Variants in RSBN1L observed in about 807,000 individuals in gnomAD.
RSBN1L encodes the protein round spermatid basic protein 1 like.
A neutral mutation model predicts 67.7 loss-of-function variants in RSBN1L; 30 were observed. The ratio of observed to expected loss-of-function variants is 0.44; its 90% confidence interval spans 0.33 to 0.60. The LOEUF is 0.60. Among genes scored for constraint, RSBN1L ranks in the 20% least tolerant of loss-of-function variants. The probability of loss-of-function intolerance (pLI) is 0.02; values close to 1 mark genes in which losing one functional copy is unlikely to be tolerated. For missense variants in RSBN1L, 992 were observed against 1,031.7 expected, an observed-to-expected ratio of 0.96 and a Z score of 0.53; for synonymous variants, 433 against 387.0, an observed-to-expected ratio of 1.12 and a Z score of -1.39.
intron 2 of RSBN1L, among the ~76,000 whole-genome samples, chr7:77,747,533 T>G (rs900349260): frequency 2.6e-5 from 4 of 151,960 alleles, no homozygotes; most frequent in African/African-American, 9.7e-5. Flanking sequence ...AGCCACTACT[T>G]CAAGGGTGCC....
intron 2 of RSBN1L, among the ~76,000 whole-genome samples, chr7:77,749,026 C>T (rs1358135412): frequency 6.6e-6 from 1 of 152,026 alleles, no homozygotes; most frequent in Non-Finnish European, 1.5e-5. Flanking sequence ...GAGGCCGAAG[C>T]GGGCAGATCA....
intron 1 of RSBN1L, among the ~76,000 whole-genome samples, chr7:77,732,884 T>TTA (rs1791288973): frequency 6.6e-6 from 1 of 152,200 alleles, no homozygotes; most frequent in African/African-American, 2.4e-5. Context: ...AGTTTGTCAG[T>TTA]TATCTAGGTT....
In RSBN1L at chr7:77,778,866, T is replaced by C; in HGVS notation, c.2239T>C (p.Tyr747His). Residue 747 changes from tyrosine to histidine, a missense_variant, in exon 8 of 8, where the codon TAT becomes CAT. Around this residue, in one of 7 missense-constraint regions of RSBN1L, gnomAD observed 199 missense variants for 167.7 expected, o/e 1.19. Transcript: ENST00000334955. ...TTTTTCAGATAAACTTCATTCTAAA[T>C]ATGAATTACAGCAGATTAAACATGA... ...SVFSDKLHSK[Y>H]ELQQIKHEPI... 6.2e-7 allele frequency: 1 copy of C among 1,613,946 alleles called. No homozygotes were observed. The highest frequency in any genetic ancestry group is 1.6e-4 in the Middle Eastern group (1 of 6,062).
rs968265722 is a variant in RSBN1L, at chr7:77,780,608, A to G, written c.*1440A>G. On this transcript the variant is annotated 3_prime_UTR_variant, in exon 8 of 8. Coordinates refer to ENST00000334955, the MANE Select transcript of RSBN1L (RefSeq NM_198467.3). ...AATGGGAGAAAAATATGGCAAATAC[A>G]AAACTGTAAAATAAGGGCAATGACA... The G allele has an allele frequency of 2.6e-5, 4 of 152,220 alleles. No homozygotes were observed. The highest frequency in any genetic ancestry group is 9.6e-5 in the African/African-American group (4 of 41,464). 9.4% of individuals were successfully genotyped at this position (152,220 alleles called of 1,614,324 possible).
intron 2 of RSBN1L, 74 bp from the exon 3 acceptor site, chr7:77,749,350 G>C (rs1791523851): frequency 1.7e-6 from 2 of 1,158,436 alleles, no homozygotes; most frequent in South Asian, 3.5e-5. Context: ...TTCTTACTTA[G>C]ACAAAACTGT....
chr7:77,725,455 G>A (rs866014853), intron 1 of RSBN1L, among the ~76,000 whole-genome samples: 31 of 79,238 alleles, frequency 3.9e-4, no homozygotes, highest in Non-Finnish European at 5.9e-4. Flanking sequence ...CCATGTTTGC[G>A]AGGCTGGTCT....
At chr7:77,721,552 A>T (rs545328085) in intron 1 of RSBN1L, among the ~76,000 whole-genome samples, 79 of 152,304 alleles carry the variant, frequency 5.2e-4, no homozygotes, top group African/African-American at 1.8e-3. Context: ...AAGAAGCTAA[A>T]TTTCACCGTA....
chr7:77,718,178 A>G (rs1403202793), intron 1 of RSBN1L, among the ~76,000 whole-genome samples: 3 of 152,234 alleles, frequency 2.0e-5, no homozygotes, highest in Non-Finnish European at 2.9e-5. Context: ...AGCGAGCTCT[A>G]CAATGTCACA....
intron 1 of RSBN1L, among the ~76,000 whole-genome samples, chr7:77,729,013 A>G (rs1319141749): frequency 1.3e-5 from 2 of 151,850 alleles, no homozygotes. Context: ...CACTGTCCTT[A>G]TTTATTTATT....
intron 1 of RSBN1L, among the ~76,000 whole-genome samples, chr7:77,735,601 A>T (rs1386511428): frequency 6.6e-6 from 1 of 152,154 alleles, no homozygotes; most frequent in Non-Finnish European, 1.5e-5. Context: ...TCTCTACTAT[A>T]TTCCAGGACA....
At position 77,696,748 on chromosome 7, in the gene RSBN1L, T is replaced by G. The variant is rs777136969; in HGVS notation, c.279T>G (p.Ala93=). Residue 93 remains alanine (A), a synonymous_variant, in exon 1 of 8, where the codon GCT becomes GCG. Coordinates refer to ENST00000334955, the MANE Select transcript of RSBN1L (RefSeq NM_198467.3). ...PASWSFAPLS[A]APSPSSSRSS... The stretch of plus-strand genomic sequence containing the variant: ...CTTGGAGCTTTGCCCCTCTGTCTGC[T>G]GCTCCCTCCCCGTCCTCTTCTCGGA... The G allele has an allele frequency of 1.6e-5, 26 of 1,613,716 alleles. No homozygotes were observed. The African/African-American group carries it at 2.7e-4, about 17-fold the overall frequency.
chr7:77,699,876 A>G (rs1790791606), intron 1 of RSBN1L, among the ~76,000 whole-genome samples: 2 of 150,804 alleles, frequency 1.3e-5, no homozygotes, highest in South Asian at 4.2e-4. Flanking sequence ...GGCTCGCTGC[A>G]ACCTCCGCCT....
intron 3 of RSBN1L, among the ~76,000 whole-genome samples, chr7:77,757,886 T>G (rs1791640935): frequency 6.6e-6 from 1 of 152,172 alleles, no homozygotes; most frequent in African/African-American, 2.4e-5. Flanking sequence ...TAATGTCCCA[T>G]TGACAAAGGG....
intron 3 of RSBN1L, among the ~76,000 whole-genome samples, chr7:77,764,335 T>C (rs1584301475): frequency 6.6e-6 from 1 of 152,240 alleles, no homozygotes; most frequent in Non-Finnish European, 1.5e-5. Flanking sequence ...TGTTAGTATA[T>C]GAAAACACAT....
At chr7:77,744,223 A>G (rs1200367893) in intron 2 of RSBN1L, among the ~76,000 whole-genome samples, 1 of 151,544 alleles carries the variant, frequency 6.6e-6, no homozygotes, top group Non-Finnish European at 1.5e-5. Flanking sequence ...TTTTGTAGAG[A>G]CAGGGTCTCA....
At chr7:77,720,771 T>C (rs1406238082) in intron 1 of RSBN1L, among the ~76,000 whole-genome samples, 3 of 141,840 alleles carry the variant, frequency 2.1e-5, no homozygotes, top group African/African-American at 5.3e-5. Context: ...TTCTTTTTTT[T>C]TTTTTTTTTT....
chr7:77,724,605 T>C (rs1422395441), intron 1 of RSBN1L, among the ~76,000 whole-genome samples: 1 of 151,714 alleles, frequency 6.6e-6, no homozygotes, highest in Non-Finnish European at 1.5e-5. Context: ...TTTGTATTTT[T>C]AGTAGAGATG....
chr7:77,717,596 C>G (rs766084542), intron 1 of RSBN1L, among the ~76,000 whole-genome samples: 1 of 152,104 alleles, frequency 6.6e-6, no homozygotes, highest in Non-Finnish European at 1.5e-5. Context: ...ATGGCAAAAT[C>G]GATAAATACA....
At chr7:77,766,451 C>T (rs1791767423) in intron 4 of RSBN1L, among the ~76,000 whole-genome samples, 1 of 151,960 alleles carries the variant, frequency 6.6e-6, no homozygotes, top group African/African-American at 2.4e-5. Context: ...TTCCAAAGTG[C>T]TGGGATTACA....
Sources: gnomAD v4.1 joint callset for allele counts (sites outside exome capture counted in the v4.1 genomes callset) on GRCh38, gnomAD v4.1.1 for gene constraint, gnomAD v4.1.1 regional missense constraint, MANE v1.5 for transcripts, NCBI Gene and HGNC (gene_info 2026-07-23, HGNC 2026-07-21) for gene names.